The following MICU3 variants were observed in gnomAD, a reference collection of about 807,000 sequenced individuals.
MICU3 encodes the protein calcium uptake protein 3, mitochondrial.
MICU3 carries 62 observed loss-of-function variants against 66.5 expected under a neutral mutation model. That is an observed-to-expected ratio of 0.93 (90% CI 0.76 to 1.15). The LOEUF is 1.15. Among genes scored for constraint, MICU3 ranks in the 50% most tolerant of loss-of-function variants. The pLI is 0.00. For missense variants in MICU3, 779 were observed against 664.4 expected (o/e 1.17, Z -1.90); for synonymous variants, 308 against 240.7 (o/e 1.28, Z -2.59).
At chr8:17,076,112 G>A (rs780699026) in intron 3 of MICU3, among the ~76,000 whole-genome samples, 69 of 151,904 alleles carry the variant, frequency 4.5e-4, no homozygotes, top group Non-Finnish European at 1.5e-4. Context: ...CTATAGCCTC[G>A]ACTTCCTGGG....
intron 3 of MICU3, among the ~76,000 whole-genome samples, chr8:17,070,994 T>TTTCA (rs1286679693): frequency 2.0e-5 from 3 of 152,152 alleles, no homozygotes; most frequent in African/African-American, 7.2e-5. Flanking sequence ...CAGTGTGAGA[T>TTTCA]TTCATCATGC....
intron 1 of MICU3, among the ~76,000 whole-genome samples, chr8:17,037,447 A>G (rs1239652593): frequency 6.6e-6 from 1 of 152,190 alleles, no homozygotes; most frequent in African/African-American, 2.4e-5. Context: ...AAATGGGCCA[A>G]TGTAGAGCTC....
chr8:17,101,887 A>C (rs1801286159), intron 9 of MICU3, among the ~76,000 whole-genome samples: 1 of 151,968 alleles, frequency 6.6e-6, no homozygotes, highest in Non-Finnish European at 1.5e-5. Context: ...TTTGACAAAA[A>C]TACATAATAA....
At chr8:17,071,340 C>T (rs28469817) in intron 3 of MICU3, among the ~76,000 whole-genome samples, 8,988 of 152,176 alleles carry the variant, frequency 0.059, 906 homozygotes, top group African/African-American at 0.21. Context: ...TGAGGCCTCT[C>T]CCCTTAGCTT....
intron 1 of MICU3, among the ~76,000 whole-genome samples, chr8:17,057,760 T>G (rs773320117): frequency 6.6e-5 from 10 of 152,190 alleles, no homozygotes; most frequent in Admixed American, 2.6e-4. Context: ...CACACATGAA[T>G]GAATATAATT....
At chr8:17,089,147 C>T (rs1469988405) in intron 7 of MICU3, among the ~76,000 whole-genome samples, 1 of 151,872 alleles carries the variant, frequency 6.6e-6, no homozygotes, top group African/African-American at 2.4e-5. Context: ...CGGAAGTATT[C>T]GTTTTATGTA....
At chr8:17,065,448 G>A (rs1030076511) in intron 2 of MICU3, among the ~76,000 whole-genome samples, 1 of 152,160 alleles carries the variant, frequency 6.6e-6, no homozygotes, top group Admixed American at 6.5e-5. Flanking sequence ...ATTGCCTAGG[G>A]AAGCTGTATA....
chr8:17,094,135 T>C (rs991884249), intron 8 of MICU3, among the ~76,000 whole-genome samples: 2 of 152,026 alleles, frequency 1.3e-5, no homozygotes, highest in Admixed American at 1.3e-4. Context: ...TTTTTGTACT[T>C]TATGTAACTG....
At chr8:17,069,080 GACATTTTA>G in intron 2 of MICU3, among the ~76,000 whole-genome samples, 1 of 152,122 alleles carries the variant, frequency 6.6e-6, no homozygotes, top group Non-Finnish European at 1.5e-5. Context: ...AGTGATCCCT[GACATTTTA>G]TTCAGCTGTA....
Position 17,057,060 on chromosome 8 carries a change from T to A in MICU3, c.382-7024T>A, listed in dbSNP as rs796737564. On this transcript the variant is annotated intron_variant, in intron 1 of 14. Coordinates refer to ENST00000318063, the MANE Select transcript of MICU3 (RefSeq NM_181723.3). ...AGCTAAGAGTTTGGTTAGTATTAGCTTAGTTGATTTTATGAAGTTCTGTCA... is the reference window on the plus strand; with the variant it reads ...AGCTAAGAGTTTGGTTAGTATTAGCATAGTTGATTTTATGAAGTTCTGTCA... Among the ~76,000 whole-genome samples, 3 of 152,214 alleles carry A rather than the reference T, an allele frequency of 2.0e-5. No individual in the cohort carries two copies. In the South Asian group the frequency reaches 6.2e-4, roughly 31 times the overall value.
rs575213663 is a variant in MICU3 at position 17,112,461 on chromosome 8, G to C, written c.1258-1632G>C. Among the ~76,000 whole-genome samples, 171 of 152,224 alleles carry C rather than the reference G, an allele frequency of 1.1e-3. 1 individual carries two copies. Among genetic ancestry groups the C allele is most frequent in the Non-Finnish European group, 2.2e-3 (149 of 68,014 alleles). On this transcript the variant is annotated intron_variant, in intron 11 of 14. Transcript: ENST00000318063. ...TTTGTCTGCCCCTCTCTGACTGTCT[G>C]TCCCTCTTGGCCATTAAGAAACATT...
chr8:17,035,181 G>C (rs1812757425), intron 1 of MICU3, among the ~76,000 whole-genome samples: 1 of 152,184 alleles, frequency 6.6e-6, no homozygotes, highest in African/African-American at 2.4e-5. Context: ...CAGCCTTGTG[G>C]AACTGTGAGT....
intron 2 of MICU3, among the ~76,000 whole-genome samples, chr8:17,067,347 TTATGGTTAG>T (rs1818876540): frequency 6.6e-6 from 1 of 152,176 alleles, no homozygotes; most frequent in South Asian, 2.1e-4. Context: ...ATCGAATGAA[TTATGGTTAG>T]TATAGTACCT....
At chr8:17,104,107 T>A (rs1002298724) in intron 9 of MICU3, among the ~76,000 whole-genome samples, 1 of 151,466 alleles carries the variant, frequency 6.6e-6, no homozygotes, top group African/African-American at 2.4e-5. Context: ...ATTTAAAAGA[T>A]AGAATCCTAT....
intron 1 of MICU3, among the ~76,000 whole-genome samples, chr8:17,057,463 T>A (rs192756186): frequency 4.6e-5 from 7 of 152,296 alleles, no homozygotes; most frequent in Admixed American, 1.3e-4. Flanking sequence ...AATTCAAGGT[T>A]CAAACAGTAT....
At chr8:17,067,571 G>T (rs375837354) in intron 2 of MICU3, among the ~76,000 whole-genome samples, 3 of 151,972 alleles carry the variant, frequency 2.0e-5, no homozygotes, top group South Asian at 4.2e-4. Flanking sequence ...CTGGGATTAC[G>T]GGCAGCTGCT....
At chr8:17,083,020 G>C (rs1317455887) in intron 5 of MICU3, among the ~76,000 whole-genome samples, 2 of 152,146 alleles carry the variant, frequency 1.3e-5, no homozygotes, top group Non-Finnish European at 2.9e-5. Flanking sequence ...GGCTGTACAG[G>C]AGACTGGAGT....
intron 8 of MICU3, among the ~76,000 whole-genome samples, chr8:17,093,896 G>A (rs939012720): frequency 5.3e-5 from 8 of 151,702 alleles, no homozygotes; most frequent in Non-Finnish European, 7.4e-5. Flanking sequence ...TAATTAAAAC[G>A]TAAATATACA....
At chr8:17,069,085 T>G (rs2150665196) in intron 2 of MICU3, among the ~76,000 whole-genome samples, 1 of 152,248 alleles carries the variant, frequency 6.6e-6, no homozygotes, top group South Asian at 2.1e-4. Flanking sequence ...TCCCTGACAT[T>G]TTATTCAGCT....
Sources: gnomAD v4.1 joint callset for allele counts (sites outside exome capture counted in the v4.1 genomes callset) on GRCh38, gnomAD v4.1.1 for gene constraint, MANE v1.5 for transcripts, NCBI Gene and HGNC (gene_info 2026-07-23, HGNC 2026-07-21) for gene names.